Variants in UTRN observed in about 807,000 individuals in gnomAD.
The protein encoded by UTRN is utrophin, also known as dystrophin-related protein 1.
Under a neutral mutation model 463.9 loss-of-function variants are expected in UTRN, and 283 were observed. That is an observed-to-expected ratio of 0.61 (90% CI 0.55 to 0.67). The LOEUF (loss-of-function observed/expected upper bound fraction) is 0.67, where lower values mean the gene tolerates loss of function less well. Ranked by LOEUF, UTRN falls within the 30% of genes least tolerant of loss-of-function variation. The probability of loss-of-function intolerance (pLI) is 0.00; values close to 1 mark genes in which losing one functional copy is unlikely to be tolerated. For synonymous variants in UTRN, 1,442 were observed against 1,431.5 expected (o/e 1.01, Z -0.17); for missense variants, 3,922 against 4,084.3 (o/e 0.96, Z 1.08).
intron 2 of UTRN, among the ~76,000 whole-genome samples, chr6:144,344,697 C>T (rs1487671111): frequency 5.9e-5 from 9 of 152,170 alleles, no homozygotes; most frequent in African/African-American, 2.2e-4. Context: ...TAGACCTCAT[C>T]CCATATTGTA....
chr6:144,651,865 A>G (rs1393435750), intron 51 of UTRN, among the ~76,000 whole-genome samples: 1 of 152,048 alleles, frequency 6.6e-6, no homozygotes. Flanking sequence ...GTGTTTGGTT[A>G]CATGAATAAG....
At chr6:144,372,843 G>A (rs1007983468) in intron 2 of UTRN, among the ~76,000 whole-genome samples, 2 of 151,908 alleles carry the variant, frequency 1.3e-5, no homozygotes, top group Non-Finnish European at 1.5e-5. Context: ...CAACCCAATT[G>A]AAAAATGAGC....
In UTRN at chr6:144,499,290, T is replaced by G. The variant is rs1482252765; in HGVS notation, c.4627T>G (p.Ser1543Ala). ...AGGAAAACAGGATCTGGAAAGAGCA[T>G]CACAGTTGGCCCGGAAAATGAAGAA... ...TEGKQDLERA[S>A]QLARKMKKEA... is the part of the protein sequence containing the mutation. The change falls in exon 34 of 75, where the codon TCA becomes GCA. Residue 1543 changes from serine to alanine, a missense_variant. This residue lies in a region of UTRN where 2,349 missense variants were observed against 2,303.8 expected (regional missense o/e 1.02). Coordinates refer to ENST00000367545, the MANE Select transcript of UTRN (RefSeq NM_007124.3). The G allele has an allele frequency of 6.2e-7, 1 of 1,613,064 alleles. No homozygotes were observed. The highest frequency in any genetic ancestry group is 1.3e-5 in the African/African-American group (1 of 74,914).
intron 54 of UTRN, among the ~76,000 whole-genome samples, chr6:144,731,503 A>G (rs903528267): frequency 3.3e-5 from 5 of 152,246 alleles, no homozygotes; most frequent in African/African-American, 1.2e-4. Flanking sequence ...ATTACTTGTA[A>G]GGGAAGCATA....
chr6:144,573,954 T>C (rs944193926), intron 50 of UTRN, among the ~76,000 whole-genome samples: 2 of 152,228 alleles, frequency 1.3e-5, no homozygotes, highest in Non-Finnish European at 2.9e-5. Flanking sequence ...ATTGACCTTT[T>C]ACGAACTCAT....
rs546757086 is a variant in UTRN, at chr6:144,671,034, A to G, written c.7480-7372A>G. ...CCAGTACCATGCTCTTTTGGTAACT[A>G]TAGCCTTGTAGTATAGTTTGAAGTC... On this transcript the variant is annotated intron_variant, in intron 51 of 74. Coordinates refer to ENST00000367545, the MANE Select transcript of UTRN (RefSeq NM_007124.3). Among the ~76,000 whole-genome samples the G allele has an allele frequency of 1.2e-4, 18 of 152,200 alleles. No individual in the cohort carries two copies. The South Asian group carries it at 3.3e-3, about 28-fold the overall frequency.
rs536239549 is a variant in UTRN at position 144,443,847 on chromosome 6, T to C, written c.1513-434T>C. ...TAATTTTGGTACCACAGATGAAAAT[T>C]TTCTTGGCATGTAAAAGAGAGTTAA... is the stretch of plus-strand genomic sequence containing the variant. On this transcript the variant is annotated intron_variant, in intron 13 of 74. Coordinates refer to ENST00000367545, the MANE Select transcript of UTRN (RefSeq NM_007124.3). 2.0e-5 allele frequency among the ~76,000 whole-genome samples: 3 copies of C among 152,230 alleles called. No homozygotes were observed. The East Asian group carries it at 5.8e-4, about 29-fold the overall frequency.
rs11546879 is a variant in UTRN at position 144,851,369 on chromosome 6, A to G, written c.*372A>G. On this transcript the variant is annotated 3_prime_UTR_variant, in exon 75 of 75. Transcript: ENST00000367545. ...TTAATAACTATGACAAAGCTTACAT[A>G]AGAATTAGAAGACCACTTTACATTT... is the stretch of plus-strand genomic sequence containing the variant. 20,676 of 203,324 alleles carry G rather than the reference A, an allele frequency of 0.1. 1,859 individuals are homozygous for G. Among genetic ancestry groups the G allele is most frequent in the East Asian group, 0.46 (4,222 of 9,140 alleles). 12.6% of individuals were successfully genotyped at this position (203,324 alleles called of 1,614,324 possible).
intron 26 of UTRN, 34 bp from the exon 27 acceptor site, chr6:144,482,174 CG>C (rs1330934848): frequency 1.4e-6 from 2 of 1,381,694 alleles, no homozygotes; most frequent in Non-Finnish European, 9.5e-7. Flanking sequence ...GAAAGGGAGA[CG>C]TTTTTCAAGT....
intron 65 of UTRN, among the ~76,000 whole-genome samples, chr6:144,818,962 C>T (rs950800635): frequency 6.6e-6 from 1 of 151,882 alleles, no homozygotes; most frequent in Non-Finnish European, 1.5e-5. Context: ...TATAACAACC[C>T]TTTTTTCTCC....
chr6:144,501,187 G>A (rs12204844), intron 34 of UTRN, among the ~76,000 whole-genome samples: 2,285 of 152,310 alleles, frequency 0.015, 27 homozygotes, highest in African/African-American at 0.035. Flanking sequence ...TAAAGGAAGT[G>A]AAGAAAGGAA....
chr6:144,655,261 C>T (rs1288320634), intron 51 of UTRN, among the ~76,000 whole-genome samples: 1 of 152,234 alleles, frequency 6.6e-6, no homozygotes, highest in Non-Finnish European at 1.5e-5. Context: ...AGCTGACACA[C>T]TTTGCTGCAG....
intron 48 of UTRN, among the ~76,000 whole-genome samples, chr6:144,554,033 T>C (rs145020317): frequency 7.4e-4 from 112 of 151,398 alleles, no homozygotes; most frequent in Non-Finnish European, 1.3e-3. Flanking sequence ...AAGGTGATAA[T>C]GAGTGAAAGG....
At chr6:144,696,962 T>G (rs1220389173) in intron 52 of UTRN, among the ~76,000 whole-genome samples, 1 of 152,190 alleles carries the variant, frequency 6.6e-6, no homozygotes, top group Non-Finnish European at 1.5e-5. Context: ...TTGTAGTTAC[T>G]TCCATAATTC....
chr6:144,322,447 A>G (rs575620124), intron 2 of UTRN, among the ~76,000 whole-genome samples: 1 of 152,266 alleles, frequency 6.6e-6, no homozygotes, highest in Admixed American at 6.5e-5. Context: ...GGCCCTTCTC[A>G]GCTGCCCTGC....
At chr6:144,738,175 C>G in intron 54 of UTRN, among the ~76,000 whole-genome samples, 1 of 152,324 alleles carries the variant, frequency 6.6e-6, no homozygotes, top group South Asian at 2.1e-4. Flanking sequence ...TGTTCACTGA[C>G]GGCCATCTGG....
chr6:144,692,660 T>A (rs1783552748), intron 52 of UTRN, among the ~76,000 whole-genome samples: 1 of 152,260 alleles, frequency 6.6e-6, no homozygotes, highest in African/African-American at 2.4e-5. Flanking sequence ...TGAAGGTTTT[T>A]TTTTAATATG....
At chr6:144,709,881 G>A (rs1434794732) in intron 53 of UTRN, among the ~76,000 whole-genome samples, 1 of 152,066 alleles carries the variant, frequency 6.6e-6, no homozygotes, top group African/African-American at 2.4e-5. Context: ...TCCTTTATAT[G>A]TACATAAATG....
chr6:144,789,282 A>G lies in UTRN; in HGVS notation c.8920+3A>G, dbSNP rs1455771467. On this transcript the variant is annotated splice_donor_region_variant and intron_variant, in intron 62 of 74. Coordinates refer to ENST00000367545, the MANE Select transcript of UTRN (RefSeq NM_007124.3). ...TCTCTTGGAAGAAAAATACAGATGT[A>G]TGTAAGACCTTTCTTATACCAACAG... The G allele has an allele frequency of 6.2e-7, 1 of 1,602,750 alleles. No individual in the cohort carries two copies. Among genetic ancestry groups the G allele is most frequent in the African/African-American group, 1.3e-5 (1 of 74,680 alleles).
Sources: gnomAD v4.1 joint callset for allele counts (sites outside exome capture counted in the v4.1 genomes callset) on GRCh38, gnomAD v4.1.1 for gene constraint, gnomAD v4.1.1 regional missense constraint, MANE v1.5 for transcripts, NCBI Gene and HGNC (gene_info 2026-07-23, HGNC 2026-07-21) for gene names.